TNR: variants seen among roughly 807,000 people sequenced by gnomAD.
TNR encodes the protein tenascin-R.
Under a neutral mutation model 150.4 loss-of-function variants are expected in TNR, and 45 were observed. The ratio of observed to expected loss-of-function variants is 0.30; its 90% CI spans 0.24 to 0.38. The LOEUF (loss-of-function observed/expected upper bound fraction) is 0.38. Among genes scored for constraint, TNR ranks in the 10% least tolerant of loss-of-function variants. TNR has a pLI of 1.00. For synonymous variants in TNR, 687 were observed against 678.4 expected (o/e 1.01, Z -0.20); for missense variants, 1,544 against 1,759.1 (o/e 0.88, Z 2.19).
chr1:175,580,756 G>A lies in TNR; in HGVS notation c.-164-52387C>T, dbSNP rs559247861. On this transcript the variant is annotated intron_variant, in intron 1 of 22. Transcript: ENST00000367674. ...AAGGGAATGGTGTTTTTGTGTTTGT[G>A]TGGGATACGGTCAATTAAGGGCAGC... 3.3e-5 allele frequency among the ~76,000 whole-genome samples: 5 copies of A among 152,306 alleles called. No individual in the cohort carries two copies. The South Asian group carries it at 8.3e-4, about 25-fold the overall frequency.
chr1:175,707,286 A>G (rs1187980286), intron 1 of TNR, among the ~76,000 whole-genome samples: 2 of 152,032 alleles, frequency 1.3e-5, no homozygotes, highest in Non-Finnish European at 2.9e-5. Flanking sequence ...TTCTTAATAT[A>G]CTCTGAATGT....
Position 175,366,101 on chromosome 1 carries a change from G to A in TNR, c.2091C>T (p.Ser697=), listed in dbSNP as rs141607483. The A allele has an allele frequency of 1.3e-5, 21 of 1,612,600 alleles. No homozygotes were observed. In the African/African-American group the frequency reaches 2.8e-4, roughly 22 times the overall value. Residue 697 remains serine (S), a synonymous_variant, in exon 11 of 23, where the codon TCC becomes TCT. Transcript: ENST00000367674. ...AGATGAGGGAGATGGAGGTCTCCGAGGAGGCTGTCACCATGAGGTCTCGGG... is the reference window on the plus strand; with the variant it reads ...AGATGAGGGAGATGGAGGTCTCCGAAGAGGCTGTCACCATGAGGTCTCGGG... The part of the protein sequence containing the change: ...DSPRDLMVTA[S]SETSISLIWT...
At chr1:175,559,628 T>C (rs920944351) in intron 1 of TNR, among the ~76,000 whole-genome samples, 1 of 152,218 alleles carries the variant, frequency 6.6e-6, no homozygotes, top group African/African-American at 2.4e-5. Context: ...AAATAAATGC[T>C]ATCATATTGT....
chr1:175,378,969 C>G (rs533035633), intron 9 of TNR, among the ~76,000 whole-genome samples: 82 of 152,284 alleles, frequency 5.4e-4, no homozygotes, highest in African/African-American at 1.9e-3. Context: ...CACCTGAGGT[C>G]GGGAGTTTGT....
chr1:175,549,064 G>C (rs1352209780), intron 1 of TNR, among the ~76,000 whole-genome samples: 3 of 152,222 alleles, frequency 2.0e-5, no homozygotes, highest in Non-Finnish European at 4.4e-5. Flanking sequence ...AGGAGCAGCA[G>C]AGCCACCTGA....
At chr1:175,354,667 A>T in intron 17 of TNR, 144 bp from the exon 18 acceptor site, 2 of 1,097,610 alleles carry the variant, frequency 1.8e-6, no homozygotes, top group South Asian at 1.5e-5. Flanking sequence ...CACAATAAGG[A>T]TTACTGCACC....
At chr1:175,461,880 G>T (rs901695181) in intron 2 of TNR, among the ~76,000 whole-genome samples, 1 of 152,206 alleles carries the variant, frequency 6.6e-6, no homozygotes, top group Non-Finnish European at 1.5e-5. Context: ...GTTCTAGGCA[G>T]AACGAGGACT....
At chr1:175,507,167 G>A (rs1658989210) in intron 2 of TNR, among the ~76,000 whole-genome samples, 1 of 152,188 alleles carries the variant, frequency 6.6e-6, no homozygotes, top group Non-Finnish European at 1.5e-5. Context: ...CTCTGCAGTG[G>A]TGCGTGTGCC....
intron 1 of TNR, among the ~76,000 whole-genome samples, chr1:175,624,963 C>A (rs560350799): frequency 1.3e-5 from 2 of 152,194 alleles, no homozygotes; most frequent in Non-Finnish European, 2.9e-5. Context: ...CCCACTTGCC[C>A]GGTTTTCTGG....
intron 1 of TNR, among the ~76,000 whole-genome samples, chr1:175,687,527 C>T (rs1463676619): frequency 1.3e-5 from 2 of 152,178 alleles, no homozygotes; most frequent in Non-Finnish European, 2.9e-5. Flanking sequence ...CCCTTCCTTT[C>T]CTTTTCTTTC....
At chr1:175,628,238 G>T (rs1664214993) in intron 1 of TNR, among the ~76,000 whole-genome samples, 2 of 152,140 alleles carry the variant, frequency 1.3e-5, no homozygotes, top group African/African-American at 4.8e-5. Flanking sequence ...TCTCCCCAGG[G>T]TATCAAGTCC....
intron 1 of TNR, among the ~76,000 whole-genome samples, chr1:175,712,278 C>T (rs940650154): frequency 6.6e-6 from 1 of 152,150 alleles, no homozygotes; most frequent in Non-Finnish European, 1.5e-5. Flanking sequence ...ACTTCATGCT[C>T]ATGCAGTGAA....
intron 21 of TNR, among the ~76,000 whole-genome samples, chr1:175,327,623 C>T (rs891618455): frequency 1.3e-5 from 2 of 152,210 alleles, no homozygotes; most frequent in African/African-American, 4.8e-5. Flanking sequence ...CCAATCTTCT[C>T]TATTCCTCCT....
intron 1 of TNR, among the ~76,000 whole-genome samples, chr1:175,636,043 A>G (rs1347702465): frequency 6.6e-6 from 1 of 152,122 alleles, no homozygotes; most frequent in African/African-American, 2.4e-5. Context: ...TTTTCTCTGT[A>G]TCCAGGTCCC....
chr1:175,410,147 G>C lies in TNR; in HGVS notation c.-63-3370C>G, dbSNP rs945023812. The stretch of plus-strand genomic sequence containing the variant: ...TGAATAGATAGTGAGGGAACAGTGA[G>C]TTTGAGTCTCTAAGGCAGGGGCCGG... On this transcript the variant is annotated intron_variant, in intron 2 of 22. Coordinates refer to ENST00000367674, the MANE Select transcript of TNR (RefSeq NM_003285.3). 2.2e-4 allele frequency among the ~76,000 whole-genome samples: 33 copies of C among 152,308 alleles called. No homozygotes were observed. The East Asian group carries it at 2.7e-3, about 12-fold the overall frequency.
chr1:175,462,407 G>A lies in TNR; in HGVS notation c.-63-55630C>T, dbSNP rs1379814303. ...CCGAAAACATTTTGATAAACGGGGA[G>A]GGAGAAAAAATCAAAATGTGCTCTT... is the stretch of plus-strand genomic sequence containing the variant. On this transcript the variant is annotated intron_variant, in intron 2 of 22. Transcript: ENST00000367674. 2.0e-5 allele frequency among the ~76,000 whole-genome samples: 3 copies of A among 152,186 alleles called. No individual in the cohort carries two copies. In the East Asian group the frequency reaches 5.8e-4, roughly 29 times the overall value.
intron 5 of TNR, 38 bp from the exon 6 acceptor site, chr1:175,393,933 A>G (rs765286044): frequency 6.7e-7 from 1 of 1,491,624 alleles, no homozygotes; most frequent in Admixed American, 1.7e-5. Flanking sequence ...GTCATGGCTA[A>G]CCCTTGGGAC....
chr1:175,363,391 ATATTCATGTGACC>A (rs1161968871), intron 13 of TNR, among the ~76,000 whole-genome samples: 1 of 152,170 alleles, frequency 6.6e-6, no homozygotes, highest in Non-Finnish European at 1.5e-5. Flanking sequence ...TCTTGTAGGA[ATATTCATGTGACC>A]CAAGCTCTTG....
intron 2 of TNR, among the ~76,000 whole-genome samples, chr1:175,472,963 A>G (rs1014200641): frequency 6.6e-6 from 1 of 152,200 alleles, no homozygotes; most frequent in Non-Finnish European, 1.5e-5. Context: ...AGAAGTTAAG[A>G]TGGGGTCTAA....
Sources: allele counts gnomAD v4.1 joint callset (sites outside exome capture counted in the v4.1 genomes callset), GRCh38; gene constraint gnomAD v4.1.1; transcripts MANE v1.5; gene names NCBI Gene and HGNC (gene_info 2026-07-23, HGNC 2026-07-21).